The following NLRC5 variants were observed in gnomAD, a reference collection of about 807,000 sequenced individuals.
The protein encoded by NLRC5 is NLR family CARD domain containing 5.
In NLRC5, 114 loss-of-function variants were observed where a neutral mutation model predicts 206.9. The observed-to-expected ratio is 0.55, with a 90% CI of 0.47 to 0.64. The LOEUF (loss-of-function observed/expected upper bound fraction) is 0.64. Among genes scored for constraint, NLRC5 ranks in the 30% least tolerant of loss-of-function variants. NLRC5 has a pLI of 0.00. For missense variants in NLRC5, 2,008 were observed against 2,305.5 expected, an observed-to-expected ratio of 0.87 and a Z score of 2.64; for synonymous variants, 952 against 962.8, an observed-to-expected ratio of 0.99 and a Z score of 0.21.
At position 57,082,582 on chromosome 16, in the gene NLRC5, C is replaced by A. The variant is rs2069286371; in HGVS notation, c.*54C>A. 2.2e-6 allele frequency: 3 copies of A among 1,342,078 alleles called. No homozygotes were observed. Among genetic ancestry groups the A allele is most frequent in the African/African-American group, 1.4e-5 (1 of 69,252 alleles). 83.1% of individuals were successfully genotyped at this position (1,342,078 alleles called of 1,614,324 possible). ...CCAAGTGATGCACCCAAATGATCCA[C>A]CTTTCGCCCACTGGGATAATTGACT... On this transcript the variant is annotated 3_prime_UTR_variant, in exon 49 of 49. Transcript: ENST00000688547.
intron 46 of NLRC5, 47 bp downstream of exon 46, chr16:57,079,676 G>T (rs187980824): frequency 1.3e-6 from 2 of 1,549,018 alleles, no homozygotes; most frequent in East Asian, 4.5e-5. Context: ...AGGAAAAGTC[G>T]GGAGGGGTCG....
intron 15 of NLRC5, 122 bp from the exon 16 acceptor site, chr16:57,039,659 G>T: frequency 1.2e-6 from 1 of 831,338 alleles, no homozygotes. Flanking sequence ...GGAGGCTTCA[G>T]TGAGCCATGA....
Position 57,081,222 on chromosome 16 carries a change from G to A in NLRC5, c.5405+41G>A, listed in dbSNP as rs201239762. ...GGAGGAATGGGACGGGCTAAAGGGG[G>A]ACCTACATCCCGGGAACACCAAGAG... On this transcript the variant is annotated intron_variant, in intron 47 of 48. Coordinates refer to ENST00000688547, the MANE Select transcript of NLRC5 (RefSeq NM_001384950.1). 5.3e-6 allele frequency: 8 copies of A among 1,522,318 alleles called. No individual in the cohort carries two copies. The East Asian group carries it at 1.2e-4, about 23-fold the overall frequency. The allele number at this position is 1,522,318 out of a possible 1,614,324, so 94.3% of individuals were successfully genotyped here. A position where few individuals can be genotyped will look rare whatever the true frequency, so the allele number is the denominator to read the frequency against.
intron 39 of NLRC5, among the ~76,000 whole-genome samples, 183 bp from the exon 40 acceptor site, chr16:57,076,636 A>G (rs144415820): frequency 2.0e-5 from 3 of 152,308 alleles, no homozygotes; most frequent in South Asian, 2.1e-4. Context: ...TCACCTGGAC[A>G]CTGGGGACAA....
intron 1 of NLRC5, among the ~76,000 whole-genome samples, chr16:56,997,871 A>G (rs2057799796): frequency 6.6e-6 from 1 of 152,188 alleles, no homozygotes; most frequent in African/African-American, 2.4e-5. Flanking sequence ...GTGAGCCACT[A>G]TGCCCAGCAT....
At chr16:57,044,341 C>T (rs1285574544) in intron 20 of NLRC5, among the ~76,000 whole-genome samples, 1 of 151,734 alleles carries the variant, frequency 6.6e-6, no homozygotes, top group Non-Finnish European at 1.5e-5. Context: ...CTGGGAGCTT[C>T]CTAGTTGCCA....
At chr16:57,050,664 G>A (rs528011638) in intron 23 of NLRC5, among the ~76,000 whole-genome samples, 3 of 152,272 alleles carry the variant, frequency 2.0e-5, no homozygotes, top group African/African-American at 4.8e-5. Context: ...AGACAGCAAG[G>A]CAGGTATCTG....
At chr16:57,036,302 C>A in intron 14 of NLRC5, 119 bp downstream of exon 14, 1 of 903,134 alleles carries the variant, frequency 1.1e-6, no homozygotes, top group Admixed American at 2.0e-5. Flanking sequence ...TTCCTCCCAA[C>A]TCCAGCAAAG....
Position 57,065,274 on chromosome 16 carries a change from C to A in NLRC5, c.4217C>A (p.Ala1406Asp). ...VLSLLEVCAQ[A>D]SGSVTEISIS... ...TCCCTGTTAGAAGTCTGCGCCCAGG[C>A]CTCAGGCAGTGTCACTGAAATCAGG... Residue 1406 changes from alanine (A) to aspartate (D), a missense_variant, in exon 33 of 49, where the codon GCC becomes GAC. Coordinates refer to ENST00000688547, the MANE Select transcript of NLRC5 (RefSeq NM_001384950.1). The A allele has an allele frequency of 6.3e-7, 1 of 1,580,576 alleles. No homozygotes were observed. Among genetic ancestry groups the A allele is most frequent in the East Asian group, 2.4e-5 (1 of 42,518 alleles).
chr16:57,043,685 AC>A, intron 20 of NLRC5, 81 bp downstream of exon 20: 1 of 1,121,234 alleles, frequency 8.9e-7, no homozygotes, highest in Non-Finnish European at 1.4e-6. Context: ...CCCCTTGTCC[AC>A]CAGTTTCATG....
At chr16:57,061,904 A>C (rs539966053) in intron 32 of NLRC5, 1 of 1,531,280 alleles carries the variant, frequency 6.5e-7, no homozygotes, top group African/African-American at 1.4e-5. Context: ...CCCACACTGG[A>C]GGCCTGTGCT....
At chr16:57,013,531 A>G in intron 1 of NLRC5, 1 of 853,274 alleles carries the variant, frequency 1.2e-6, no homozygotes, top group Non-Finnish European at 2.0e-6. Context: ...TCATTACAGT[A>G]CAATTAACTT....
intron 27 of NLRC5, among the ~76,000 whole-genome samples, chr16:57,057,346 C>T (rs1343570456): frequency 6.6e-6 from 1 of 152,222 alleles, no homozygotes; most frequent in Non-Finnish European, 1.5e-5. Flanking sequence ...ATCTCTTGAA[C>T]CTGGGAGACA....
intron 1 of NLRC5, chr16:56,990,960 G>A (rs2142050331): frequency 6.6e-6 from 1 of 152,338 alleles, no homozygotes; most frequent in East Asian, 1.9e-4. Context: ...CCTGCACATG[G>A]TGTGGACGGC....
intron 39 of NLRC5, among the ~76,000 whole-genome samples, chr16:57,075,006 T>C (rs12925233): frequency 2.0e-4 from 2 of 10,006 alleles, no homozygotes; most frequent in Non-Finnish European, 4.5e-4. Flanking sequence ...TAGACTGTGC[T>C]TTTTTTTTTT....
At chr16:57,002,702 CG>C (rs1444753242) in intron 1 of NLRC5, among the ~76,000 whole-genome samples, 1 of 135,570 alleles carries the variant, frequency 7.4e-6, no homozygotes, top group Admixed American at 8.0e-5. Context: ...GAGTGCAGTG[CG>C]TGATCTCAGT....
chr16:57,066,438 G>A (rs2144793861), intron 33 of NLRC5, 96 bp from the exon 34 acceptor site: 3 of 1,039,180 alleles, frequency 2.9e-6, no homozygotes, highest in Admixed American at 1.8e-5. Flanking sequence ...CCCAGGCAAA[G>A]TGAGAGTTCA....
intron 5 of NLRC5, among the ~76,000 whole-genome samples, chr16:57,024,622 G>T (rs1476386675): frequency 1.3e-5 from 2 of 152,340 alleles, no homozygotes; most frequent in Admixed American, 6.5e-5. Flanking sequence ...AGGCCTACAG[G>T]TTGTTAGTGC....
chr16:57,074,430 C>T (rs2068112312), intron 38 of NLRC5, 170 bp from the exon 39 acceptor site: 10 of 622,516 alleles, frequency 1.6e-5, no homozygotes, highest in Non-Finnish European at 3.0e-5. Flanking sequence ...TGCAGAGAAA[C>T]AGCATTTGGA....
Sources: allele counts gnomAD v4.1 joint callset (sites outside exome capture counted in the v4.1 genomes callset), GRCh38; gene constraint gnomAD v4.1.1; transcripts MANE v1.5; gene names NCBI Gene and HGNC (gene_info 2026-07-23, HGNC 2026-07-21).